Variants in KAZN observed in about 807,000 individuals in gnomAD.
KAZN encodes kazrin.
KAZN carries 40 observed loss-of-function variants against 87.4 expected under a neutral mutation model. That is an observed-to-expected ratio of 0.46 (90% CI 0.36 to 0.60). The LOEUF is 0.60. Among genes scored for constraint, KAZN ranks in the 20% least tolerant of loss-of-function variants. The pLI is 0.00. For synonymous variants in KAZN, 466 were observed against 458.3 expected, an observed-to-expected ratio of 1.02 and a Z score of -0.22; for missense variants, 898 against 1,073.9, an observed-to-expected ratio of 0.84 and a Z score of 2.29.
intron 2 of KAZN, among the ~76,000 whole-genome samples, chr1:14,206,540 A>G (rs1293339193): frequency 6.6e-6 from 1 of 152,164 alleles, no homozygotes; most frequent in Non-Finnish European, 1.5e-5. Context: ...GTAACTAGAC[A>G]TCATCATCCT....
Position 15,042,569 on chromosome 1 carries a change from A to G in KAZN, c.556-1420A>G, listed in dbSNP as rs536821005. On this transcript the variant is annotated intron_variant, in intron 3 of 14. Transcript: ENST00000376030. Reference sequence around the variant, plus strand: ...TGGATTCCTTCATGCAGACCCACACAAACGCCCCAAAGTATATGTGGTATT... The same window carrying G: ...TGGATTCCTTCATGCAGACCCACACGAACGCCCCAAAGTATATGTGGTATT... 3.9e-5 allele frequency among the ~76,000 whole-genome samples: 6 copies of G among 152,262 alleles called. No homozygotes were observed. The South Asian group carries it at 1.2e-3, about 32-fold the overall frequency.
At chr1:14,806,614 A>C (rs1313905620) in intron 1 of KAZN, among the ~76,000 whole-genome samples, 1 of 152,166 alleles carries the variant, frequency 6.6e-6, no homozygotes, top group Admixed American at 6.5e-5. Context: ...GAAACACACC[A>C]GGCTTCTTGA....
At chr1:14,601,436 ATT>A (rs965271541) in intron 1 of KAZN, among the ~76,000 whole-genome samples, 1 of 140,556 alleles carries the variant, frequency 7.1e-6, no homozygotes, top group Non-Finnish European at 1.6e-5. Flanking sequence ...AGTTTGGGGG[ATT>A]TTTTTTTTTT....
intron 1 of KAZN, among the ~76,000 whole-genome samples, chr1:14,074,544 C>T (rs966265177): frequency 5.9e-5 from 9 of 152,022 alleles, no homozygotes; most frequent in African/African-American, 9.7e-5. Context: ...TCTGGGGTCC[C>T]GGGTACTTAG....
intron 2 of KAZN, among the ~76,000 whole-genome samples, chr1:14,543,898 A>G (rs931032322): frequency 6.6e-6 from 1 of 152,204 alleles, no homozygotes; most frequent in African/African-American, 2.4e-5. Flanking sequence ...TGTTAGTAAG[A>G]CAATTAATTG....
In KAZN at chr1:14,417,646, C is replaced by A. The variant is rs1018834461; in HGVS notation, c.250-181337C>A. 6.4e-4 allele frequency among the ~76,000 whole-genome samples: 97 copies of A among 152,202 alleles called. 3 individuals carry two copies. Among genetic ancestry groups the A allele is most frequent in the South Asian group, 2.1e-4 (1 of 4,816 alleles). Reference sequence around the variant, plus strand: ...TGTACAAGGAGACCCTAGGAAAGAACAGCCTTGGTCTTTGGGGCCATCAGA... The same window carrying A: ...TGTACAAGGAGACCCTAGGAAAGAAAAGCCTTGGTCTTTGGGGCCATCAGA... On this transcript the variant is annotated intron_variant, in intron 2 of 16. Coordinates refer to the KAZN transcript ENST00000636203.
intron 3 of KAZN, among the ~76,000 whole-genome samples, chr1:15,039,025 G>A (rs1324357635): frequency 6.7e-6 from 1 of 148,482 alleles, no homozygotes; most frequent in Non-Finnish European, 1.5e-5. Context: ...AGTAGCAGAT[G>A]TTTATTGTGC....
At chr1:13,967,868 G>T (rs930243412) in intron 1 of KAZN, among the ~76,000 whole-genome samples, 13 of 152,148 alleles carry the variant, frequency 8.5e-5, no homozygotes, top group Admixed American at 2.0e-4. Context: ...CACCTGCAAG[G>T]GCTGGCATGG....
intron 2 of KAZN, among the ~76,000 whole-genome samples, chr1:14,423,732 C>T (rs981788951): frequency 6.6e-6 from 1 of 152,208 alleles, no homozygotes; most frequent in East Asian, 1.9e-4. Flanking sequence ...TCAGATGGAA[C>T]TTCCCTTAAA....
intron 1 of KAZN, among the ~76,000 whole-genome samples, chr1:14,683,291 G>A (rs1640777382): frequency 1.3e-5 from 2 of 152,156 alleles, no homozygotes; most frequent in Non-Finnish European, 2.9e-5. Flanking sequence ...TCAGTTGCTC[G>A]AATTTGAGAG....
chr1:14,234,237 A>G (rs574904335), intron 2 of KAZN, among the ~76,000 whole-genome samples: 2 of 152,346 alleles, frequency 1.3e-5, no homozygotes, highest in African/African-American at 4.8e-5. Flanking sequence ...AAAAAGGATG[A>G]GTTCATGTTC....
At chr1:14,025,852 G>T (rs1641048352) in intron 1 of KAZN, among the ~76,000 whole-genome samples, 1 of 152,050 alleles carries the variant, frequency 6.6e-6, no homozygotes, top group African/African-American at 2.4e-5. Flanking sequence ...CCTGCATTAT[G>T]GTTGCTTGTC....
rs1255873357 is a variant in KAZN, at chr1:15,081,222, G to C, written c.1223-12958G>C. 6.6e-6 allele frequency among the ~76,000 whole-genome samples: 1 copy of C among 152,192 alleles called. No individual in the cohort carries two copies. Among genetic ancestry groups the C allele is most frequent in the Non-Finnish European group, 1.5e-5 (1 of 68,044 alleles). ...TGCAGGCAGTGCTGGGCCAGGGCTG[G>C]CTCACACAGGCCCACGGATGGCTCT... On this transcript the variant is annotated intron_variant, in intron 8 of 14. Transcript: ENST00000376030. The surrounding 1 kb of genome is among the most constrained non-coding windows in gnomAD (Gnocchi z 4.1).
At chr1:14,058,373 A>G (rs903306550) in intron 1 of KAZN, among the ~76,000 whole-genome samples, 1 of 152,176 alleles carries the variant, frequency 6.6e-6, no homozygotes, top group Admixed American at 6.5e-5. Flanking sequence ...AGGAAGACAC[A>G]TGGCTGCTTC....
intron 2 of KAZN, among the ~76,000 whole-genome samples, chr1:14,398,820 G>A (rs1663125845): frequency 6.6e-6 from 1 of 152,174 alleles, no homozygotes; most frequent in Admixed American, 6.5e-5. Context: ...CAAGCACTCT[G>A]AAGGGTGCAG....
At chr1:14,828,111 A>G (rs951058960) in intron 1 of KAZN, among the ~76,000 whole-genome samples, 1 of 152,204 alleles carries the variant, frequency 6.6e-6, no homozygotes, top group Non-Finnish European at 1.5e-5. Flanking sequence ...TCTCTATGCC[A>G]TCCCTTGGCA....
intron 1 of KAZN, among the ~76,000 whole-genome samples, chr1:14,916,941 C>T (rs1018900343): frequency 2.0e-5 from 3 of 151,822 alleles, no homozygotes; most frequent in South Asian, 4.2e-4. Context: ...ACTTGGGGCT[C>T]GTGACAGTCC....
At chr1:14,062,855 T>A (rs992302407) in intron 1 of KAZN, among the ~76,000 whole-genome samples, 4 of 152,044 alleles carry the variant, frequency 2.6e-5, no homozygotes, top group Admixed American at 6.5e-5. Context: ...TTCAATGACA[T>A]GGTATTTGAG....
intron 2 of KAZN, among the ~76,000 whole-genome samples, chr1:14,243,995 G>A (rs1449810416): frequency 6.6e-6 from 1 of 152,220 alleles, no homozygotes; most frequent in Non-Finnish European, 1.5e-5. Flanking sequence ...GAGACATGCA[G>A]AGTTGAGCGT....
Sources: allele counts gnomAD v4.1 joint callset (sites outside exome capture counted in the v4.1 genomes callset), GRCh38; gene constraint gnomAD v4.1.1; non-coding constraint Gnocchi (gnomAD v3.1); transcripts MANE v1.5; gene names NCBI Gene and HGNC (gene_info 2026-07-23, HGNC 2026-07-21).